Variants in LRIG2 observed in about 807,000 individuals in gnomAD.
The protein encoded by LRIG2 is leucine-rich repeats and immunoglobulin-like domains protein 2.
A neutral mutation model predicts 107.8 loss-of-function variants in LRIG2; 93 were observed. That is an observed-to-expected ratio of 0.86 (90% confidence interval 0.73 to 1.03). The LOEUF is 1.03. LRIG2 is among the 50% of genes least tolerant of loss of function. The pLI is 0.00. For synonymous variants in LRIG2, 471 were observed against 470.6 expected, an observed-to-expected ratio of 1.00 and a Z score of -0.01; for missense variants, 1,226 against 1,296.0, an observed-to-expected ratio of 0.95 and a Z score of 0.83.
intron 1 of LRIG2, among the ~76,000 whole-genome samples, chr1:113,083,492 C>T (rs956251878): frequency 2.0e-5 from 3 of 151,118 alleles, no homozygotes; most frequent in East Asian, 2.0e-4. Flanking sequence ...ATTACAGGCA[C>T]GTGCCACCAC....
chr1:113,078,042 A>G (rs1018541131), intron 1 of LRIG2, among the ~76,000 whole-genome samples: 9 of 151,768 alleles, frequency 5.9e-5, no homozygotes, highest in Non-Finnish European at 2.9e-5. Flanking sequence ...AGCTTCATCC[A>G]TGTCCCTTCA....
chr1:113,079,541 G>GC (rs1209327015), intron 1 of LRIG2, among the ~76,000 whole-genome samples: 1 of 150,438 alleles, frequency 6.6e-6, no homozygotes, highest in African/African-American at 2.4e-5. Context: ...AAATTAGCCA[G>GC]CCGTGGTGGC....
intron 12 of LRIG2, 32 bp downstream of exon 12, chr1:113,107,789 T>C: frequency 6.4e-7 from 1 of 1,552,964 alleles, no homozygotes; most frequent in Middle Eastern, 1.7e-4. Flanking sequence ...TTTTATATAT[T>C]ACACACTTAT....
intron 12 of LRIG2, among the ~76,000 whole-genome samples, chr1:113,109,014 T>C (rs1279103368): frequency 6.6e-6 from 1 of 152,228 alleles, no homozygotes; most frequent in Non-Finnish European, 1.5e-5. Flanking sequence ...GCCAAATCTG[T>C]TTTCACAATG....
intron 12 of LRIG2, 23 bp from the exon 13 acceptor site, chr1:113,110,219 C>G: frequency 6.6e-7 from 1 of 1,503,942 alleles, no homozygotes; most frequent in Non-Finnish European, 9.0e-7. Flanking sequence ...GACTTGGCTA[C>G]GGATGCATTT....
chr1:113,115,844 C>T (rs1270822977), intron 15 of LRIG2, among the ~76,000 whole-genome samples: 4 of 152,170 alleles, frequency 2.6e-5, no homozygotes, highest in African/African-American at 9.6e-5. Flanking sequence ...CTTCTAAAAA[C>T]GCATTACAGA....
chr1:113,098,549 T>C (rs534183904), intron 8 of LRIG2, among the ~76,000 whole-genome samples, 156 bp from the exon 9 acceptor site: 9 of 152,224 alleles, frequency 5.9e-5, no homozygotes, highest in Non-Finnish European at 1.2e-4. Context: ...TACAGATATT[T>C]CTTAAGAAGC....
chr1:113,100,340 G>T, intron 10 of LRIG2, 58 bp downstream of exon 10: 1 of 1,462,052 alleles, frequency 6.8e-7, no homozygotes, highest in East Asian at 2.3e-5. Flanking sequence ...ATTAGCAGAG[G>T]TTTTCATGAC....
chr1:113,129,000 T>C lies in LRIG2; in HGVS notation c.*4899T>C, dbSNP rs769900622. 15 of 152,064 alleles carry C rather than the reference T, an allele frequency of 9.9e-5. No individual in the cohort carries two copies. Among genetic ancestry groups the C allele is most frequent in the Admixed American group, 5.2e-4 (8 of 15,246 alleles). The allele number at this position is 152,064 out of a possible 1,614,324, so 9.4% of individuals were successfully genotyped here. A position where few individuals can be genotyped will look rare whatever the true frequency, so the allele number is the denominator to read the frequency against. On this transcript the variant is annotated 3_prime_UTR_variant, in exon 18 of 18. Transcript: ENST00000361127. ...CCGTCATGTGTGAGAGAGCAGAAGA[T>C]AGCCTGTGAGCCAGTGCTCTAGAAA...
At chr1:113,122,277 G>C (rs1655296875) in intron 17 of LRIG2, among the ~76,000 whole-genome samples, 1 of 151,750 alleles carries the variant, frequency 6.6e-6, no homozygotes, top group Admixed American at 6.6e-5. Context: ...AGTGGAGACA[G>C]GGTTTCACCA....
intron 1 of LRIG2, among the ~76,000 whole-genome samples, chr1:113,078,176 A>T (rs1222309887): frequency 1.3e-5 from 2 of 151,858 alleles, no homozygotes; most frequent in East Asian, 3.9e-4. Context: ...TGCTATTGTG[A>T]ATAGTGCCAC....
chr1:113,123,727 T>TTTTTTGTGTGTGTGTG (rs1437564600), intron 17 of LRIG2, 148 bp from the exon 18 acceptor site: 4 of 597,094 alleles, frequency 6.7e-6, no homozygotes, highest in African/African-American at 3.9e-5. Flanking sequence ...GTGGTGGTTT[T>TTTTTTGTGTGTGTGTG]TGTGTGTGTG....
chr1:113,094,450 T>C lies in LRIG2; in HGVS notation c.627T>C (p.Pro209=), dbSNP rs1425524540. 2 of 1,611,780 alleles carry C rather than the reference T, an allele frequency of 1.2e-6. No homozygotes were observed. Among genetic ancestry groups the C allele is most frequent in the Middle Eastern group, 1.7e-4 (1 of 6,052 alleles). Residue 209 remains proline, a synonymous_variant, in exon 5 of 18, where the codon CCT becomes CCC. Coordinates refer to ENST00000361127, the MANE Select transcript of LRIG2 (RefSeq NM_014813.3). ...LNRNRMSMIP[P]KIFKLPHLQF... ...GTAACCGAATGAGCATGATTCCACC[T>C]AAGATCTTCAAGCTGCCTCACCTCC...
At chr1:113,094,561 A>G in intron 5 of LRIG2, 51 bp from the exon 6 acceptor site, 1 of 1,589,820 alleles carries the variant, frequency 6.3e-7, no homozygotes, top group Non-Finnish European at 8.6e-7. Context: ...AATTACTGTT[A>G]GAACATTTTA....
chr1:113,121,997 C>T (rs1655277490), intron 17 of LRIG2, among the ~76,000 whole-genome samples: 1 of 150,796 alleles, frequency 6.6e-6, no homozygotes, highest in African/African-American at 2.4e-5. Flanking sequence ...ATTAATTTTG[C>T]ATTTACTACT....
chr1:113,073,780 T>C, intron 1 of LRIG2, 135 bp downstream of exon 1: 1 of 803,102 alleles, frequency 1.2e-6, no homozygotes, highest in South Asian at 1.8e-5. Flanking sequence ...GCCGTCAGGA[T>C]TTTATGAACT....
chr1:113,107,963 C>T, intron 12 of LRIG2: 1 of 530,296 alleles, frequency 1.9e-6, no homozygotes, highest in Non-Finnish European at 3.2e-6. Context: ...ATTTGGTAGT[C>T]AGATTCCTGA....
Position 113,110,350 on chromosome 1 carries a change from T to C in LRIG2, c.1586T>C (p.Met529Thr). 1 of 1,614,160 alleles carries C rather than the reference T, an allele frequency of 6.2e-7. No individual in the cohort carries two copies. The highest frequency in any genetic ancestry group is 1.7e-5 in the Admixed American group (1 of 60,024). The change falls in exon 13 of 18, where the codon ATG becomes ACG. Residue 529 changes from methionine (M) to threonine (T), a missense_variant. Around this residue, in one of 3 missense-constraint regions of LRIG2, gnomAD observed 642 missense variants for 712.2 expected, o/e 0.90. Coordinates refer to ENST00000361127, the MANE Select transcript of LRIG2 (RefSeq NM_014813.3). ...GCAGTGAGCAGCAGTGATTCACCCATGTCCACTGTGTGGCGCAAAGACAGT... is the reference window on the plus strand; with the variant it reads ...GCAGTGAGCAGCAGTGATTCACCCACGTCCACTGTGTGGCGCAAAGACAGT... ...CTAVSSSDSP[M>T]STVWRKDSEI... is the part of the protein sequence containing the mutation.
intron 16 of LRIG2, among the ~76,000 whole-genome samples, chr1:113,117,129 C>A (rs763246228): frequency 6.6e-6 from 1 of 152,196 alleles, no homozygotes; most frequent in Non-Finnish European, 1.5e-5. Flanking sequence ...CTTCTCCCTC[C>A]ACCCTTTTCA....
Sources: gnomAD v4.1 joint callset for allele counts (sites outside exome capture counted in the v4.1 genomes callset) on GRCh38, gnomAD v4.1.1 for gene constraint, gnomAD v4.1.1 regional missense constraint, MANE v1.5 for transcripts, NCBI Gene and HGNC (gene_info 2026-07-23, HGNC 2026-07-21) for gene names.